The following YEATS2 variants were observed in gnomAD, a reference collection of about 807,000 sequenced individuals.
YEATS2 encodes YEATS domain-containing protein 2.
A neutral mutation model predicts 163.2 loss-of-function variants in YEATS2; 77 were observed. That is an observed-to-expected ratio of 0.47 (90% CI 0.39 to 0.57). YEATS2 has a LOEUF of 0.57. Ranked by LOEUF, YEATS2 falls within the 20% of genes least tolerant of loss-of-function variation. The probability of loss-of-function intolerance (pLI) is 0.00; values close to 1 mark genes in which losing one functional copy is unlikely to be tolerated. For synonymous variants in YEATS2, 631 were observed against 645.1 expected, an observed-to-expected ratio of 0.98 and a Z score of 0.33; for missense variants, 1,549 against 1,729.8, an observed-to-expected ratio of 0.90 and a Z score of 1.85.
chr3:183,764,582 G>C (rs559888944), intron 15 of YEATS2, among the ~76,000 whole-genome samples: 6 of 152,094 alleles, frequency 3.9e-5, no homozygotes, highest in African/African-American at 1.2e-4. Flanking sequence ...GGTCAAGGCG[G>C]GTGGATCGCC....
chr3:183,762,922 A>G (rs1251362609), intron 15 of YEATS2, among the ~76,000 whole-genome samples: 1 of 152,020 alleles, frequency 6.6e-6, no homozygotes. Flanking sequence ...GTGGTGGCAC[A>G]TGCCTGTAAT....
chr3:183,708,296 G>A (rs888873572), intron 1 of YEATS2, among the ~76,000 whole-genome samples: 2 of 151,648 alleles, frequency 1.3e-5, no homozygotes, highest in African/African-American at 2.4e-5. Flanking sequence ...CGAGTAGCTG[G>A]GACTACAGGC....
intron 1 of YEATS2, among the ~76,000 whole-genome samples, chr3:183,711,318 A>C (rs1022281315): frequency 6.6e-6 from 1 of 151,964 alleles, no homozygotes; most frequent in Non-Finnish European, 1.5e-5. Flanking sequence ...AAATACAAAA[A>C]AAAAATCAGC....
chr3:183,740,256 A>G (rs1718804560), intron 8 of YEATS2, among the ~76,000 whole-genome samples: 1 of 152,090 alleles, frequency 6.6e-6, no homozygotes, highest in Non-Finnish European at 1.5e-5. Flanking sequence ...CAAATTTACA[A>G]GAAAAAAACA....
chr3:183,770,679 T>C lies in YEATS2; in HGVS notation c.1948-1626T>C, dbSNP rs980109515. ...CTTTGATGTGTAGCCTTCCACTCCA[T>C]GCGCTTATTACATGAATACATAGTC... On this transcript the variant is annotated intron_variant, in intron 15 of 30. Transcript: ENST00000305135. 4.6e-5 allele frequency among the ~76,000 whole-genome samples: 7 copies of C among 152,234 alleles called. No homozygotes were observed. In the East Asian group the frequency reaches 1.3e-3, roughly 29 times the overall value.
chr3:183,766,607 G>A (rs1430907394), intron 15 of YEATS2, among the ~76,000 whole-genome samples: 1 of 152,232 alleles, frequency 6.6e-6, no homozygotes, highest in Non-Finnish European at 1.5e-5. Flanking sequence ...GCAACAGAGA[G>A]AGAATTATTG....
At chr3:183,752,952 C>T (rs988873806) in intron 10 of YEATS2, among the ~76,000 whole-genome samples, 7 of 151,746 alleles carry the variant, frequency 4.6e-5, no homozygotes, top group Non-Finnish European at 8.8e-5. Flanking sequence ...CGTCCACCAC[C>T]GCTCTCGGCT....
chr3:183,730,749 T>A (rs1717696572), intron 7 of YEATS2, among the ~76,000 whole-genome samples: 1 of 152,220 alleles, frequency 6.6e-6, no homozygotes, highest in African/African-American at 2.4e-5. Context: ...CTCTCTACCA[T>A]AACTCTTGCT....
intron 21 of YEATS2, chr3:183,793,375 T>C: frequency 9.2e-7 from 1 of 1,088,612 alleles, no homozygotes; most frequent in African/African-American, 1.6e-5. Flanking sequence ...CCTGTTAAAA[T>C]TGACCAACTT....
At chr3:183,719,011 T>C (rs1328569192) in intron 4 of YEATS2, among the ~76,000 whole-genome samples, 1 of 151,292 alleles carries the variant, frequency 6.6e-6, no homozygotes, top group Non-Finnish European at 1.5e-5. Flanking sequence ...ACTTCTTACA[T>C]TGACCTTCAG....
At chr3:183,729,131 G>A (rs1717434798) in intron 7 of YEATS2, among the ~76,000 whole-genome samples, 1 of 152,136 alleles carries the variant, frequency 6.6e-6, no homozygotes, top group Admixed American at 6.5e-5. Flanking sequence ...AATTAGCTGG[G>A]CGTGGTGGCG....
At position 183,812,435 on chromosome 3, in the gene YEATS2, G is replaced by T. The variant is rs1164261363; in HGVS notation, c.*1852G>T. 6.6e-6 allele frequency: 1 copy of T among 152,576 alleles called. No homozygotes were observed. The highest frequency in any genetic ancestry group is 1.5e-5 in the Non-Finnish European group (1 of 68,042). 9.5% of individuals were successfully genotyped at this position (152,576 alleles called of 1,614,324 possible). ...TGAACTGTGAGATCTCCAGGACAGA[G>T]GGAGAAAGATCTGATCCAAATGAGA... On this transcript the variant is annotated 3_prime_UTR_variant, in exon 31 of 31. Coordinates refer to ENST00000305135, the MANE Select transcript of YEATS2 (RefSeq NM_018023.5).
chr3:183,801,849 A>G (rs1725691454), intron 25 of YEATS2: 1 of 217,632 alleles, frequency 4.6e-6, no homozygotes, highest in African/African-American at 2.3e-5. Flanking sequence ...GTTTGCCTGC[A>G]GTGTACCAGG....
chr3:183,715,102 A>T, intron 1 of YEATS2, 42 bp from the exon 2 acceptor site: 1 of 1,286,680 alleles, frequency 7.8e-7, no homozygotes, highest in Non-Finnish European at 1.1e-6. Context: ...CCAACTATTT[A>T]ACTGAATAAT....
intron 1 of YEATS2, among the ~76,000 whole-genome samples, chr3:183,701,995 T>TA (rs926866420): frequency 3.3e-5 from 5 of 152,198 alleles, no homozygotes; most frequent in African/African-American, 1.2e-4. Flanking sequence ...ATCTCACAGT[T>TA]ACTTTCCAAT....
rs869091775 is a variant in YEATS2, at chr3:183,730,052, G to GTTTTT, written c.812+1232_812+1236dup. ...ATATTAATTGTGTGGTTTTTTGTTT[G>GTTTTT]TTTTTTTTTTTTTTTTTTTTTTTTT... On this transcript the variant is annotated intron_variant, in intron 7 of 30. Coordinates refer to ENST00000305135, the MANE Select transcript of YEATS2 (RefSeq NM_018023.5). Among the ~76,000 whole-genome samples, 194 of 41,728 alleles carry GTTTTT rather than the reference G, an allele frequency of 4.6e-3. 18 individuals are homozygous for GTTTTT. Among genetic ancestry groups the GTTTTT allele is most frequent in the South Asian group, 8.5e-3 (6 of 704 alleles). The allele number at this position is 41,728 out of a possible 152,430, so 27.4% of individuals were successfully genotyped here.
rs76748246 is a variant in YEATS2 at position 183,736,175 on chromosome 3, A to AT, written c.813-541dup. 3.7e-3 allele frequency among the ~76,000 whole-genome samples: 557 copies of AT among 152,236 alleles called. 10 individuals carry two copies. The highest frequency in any genetic ancestry group is 0.033 in the East Asian group (171 of 5,176). ...TCCAATCCAGTTAGCATGCACACAC[A>AT]TTCCTTTCTGCCCACTAAAATCAGT... On this transcript the variant is annotated intron_variant, in intron 7 of 30. Transcript: ENST00000305135.
chr3:183,736,607 A>C (rs1314961917), intron 7 of YEATS2, 111 bp from the exon 8 acceptor site: 1 of 738,364 alleles, frequency 1.4e-6, no homozygotes, highest in African/African-American at 1.8e-5. Flanking sequence ...GGAAATCTAA[A>C]TGATTCTCAG....
chr3:183,726,052 C>T (rs1420344883), intron 6 of YEATS2, among the ~76,000 whole-genome samples: 1 of 151,744 alleles, frequency 6.6e-6, no homozygotes, highest in Non-Finnish European at 1.5e-5. Flanking sequence ...TCTTATTATC[C>T]TGGTGTTACA....
Sources: gnomAD v4.1 joint callset for allele counts (sites outside exome capture counted in the v4.1 genomes callset) on GRCh38, gnomAD v4.1.1 for gene constraint, MANE v1.5 for transcripts, NCBI Gene and HGNC (gene_info 2026-07-23, HGNC 2026-07-21) for gene names.